RBM47: variants seen among roughly 807,000 people sequenced by gnomAD.
The protein encoded by RBM47 is RNA-binding protein 47.
In RBM47, 21 loss-of-function variants were observed where a neutral mutation model predicts 47.1. The ratio of observed to expected loss-of-function variants is 0.45; its 90% CI spans 0.32 to 0.64. The LOEUF is 0.64. Ranked by LOEUF, RBM47 falls within the 30% of genes least tolerant of loss-of-function variation. The pLI, the probability that RBM47 is intolerant of heterozygous loss-of-function variation, is 0.05. For missense variants in RBM47, 708 were observed against 870.9 expected (o/e 0.81, Z 2.35); for synonymous variants, 375 against 361.7 (o/e 1.04, Z -0.42).
At chr4:40,491,345 A>G (rs1333960105) in intron 2 of RBM47, among the ~76,000 whole-genome samples, 2 of 152,234 alleles carry the variant, frequency 1.3e-5, no homozygotes, top group African/African-American at 4.8e-5. Context: ...CAACCACCTC[A>G]TAAGAGCTAA....
intron 1 of RBM47, among the ~76,000 whole-genome samples, chr4:40,594,119 C>T (rs548103722): frequency 6.6e-6 from 1 of 152,054 alleles, no homozygotes; most frequent in East Asian, 1.9e-4. Context: ...TACCCCCACC[C>T]CCGCTTCCAC....
At chr4:40,600,985 C>CAAAAAAAAAAAAAAAAAAAAAAAA (rs56054491) in intron 1 of RBM47, among the ~76,000 whole-genome samples, 9 of 50,100 alleles carry the variant, frequency 1.8e-4, no homozygotes, top group Non-Finnish European at 3.1e-4. Flanking sequence ...AACTCCGTCT[C>CAAAAAAAAAAAAAAAAAAAAAAAA]AAAAAAAAAA....
intron 2 of RBM47, among the ~76,000 whole-genome samples, chr4:40,498,054 T>TTTTATATATATATATATATATA (rs1553890649): frequency 3.6e-5 from 4 of 109,868 alleles, no homozygotes; most frequent in Admixed American, 9.0e-5. Flanking sequence ...AGTGCTTGTT[T>TTTTATATATATATATATATATA]TATATATATA....
At chr4:40,544,174 A>T (rs1349765826) in intron 2 of RBM47, 1 of 152,250 alleles carries the variant, frequency 6.6e-6, no homozygotes, top group Non-Finnish European at 1.5e-5. Flanking sequence ...CACTGAAATC[A>T]TTCAAATACA....
chr4:40,561,210 G>T (rs1376030594), intron 1 of RBM47, among the ~76,000 whole-genome samples: 2 of 150,788 alleles, frequency 1.3e-5, no homozygotes, highest in Non-Finnish European at 2.9e-5. Flanking sequence ...GCCTTTCTGG[G>T]ACTATTTTTC....
chr4:40,616,786 A>T (rs1044920906), intron 1 of RBM47, among the ~76,000 whole-genome samples: 4 of 151,854 alleles, frequency 2.6e-5, no homozygotes, highest in African/African-American at 7.3e-5. Context: ...CCATTTTTAC[A>T]GTGTCAATAT....
chr4:40,451,361 G>T (rs1480520612), intron 3 of RBM47, among the ~76,000 whole-genome samples: 1 of 152,026 alleles, frequency 6.6e-6, no homozygotes, highest in Non-Finnish European at 1.5e-5. Context: ...GTTAAGAATG[G>T]TTCTGTTGTC....
intron 1 of RBM47, among the ~76,000 whole-genome samples, chr4:40,585,461 T>C (rs1455144499): frequency 6.6e-6 from 1 of 152,204 alleles, no homozygotes; most frequent in African/African-American, 2.4e-5. Flanking sequence ...TCCTAATTGT[T>C]TCAATAGGCT....
At chr4:40,519,256 A>G (rs1229396489) in intron 2 of RBM47, among the ~76,000 whole-genome samples, 1 of 150,816 alleles carries the variant, frequency 6.6e-6, no homozygotes, top group Non-Finnish European at 1.5e-5. Flanking sequence ...TTTTCTGCCA[A>G]CCTCTGACCA....
chr4:40,472,160 T>C (rs1380394554), intron 2 of RBM47, among the ~76,000 whole-genome samples: 1 of 152,186 alleles, frequency 6.6e-6, no homozygotes, highest in Non-Finnish European at 1.5e-5. Flanking sequence ...ATAACTAGAA[T>C]CCTAGAGTTC....
intron 3 of RBM47, among the ~76,000 whole-genome samples, chr4:40,448,830 C>G (rs1714954324): frequency 6.6e-6 from 1 of 152,032 alleles, no homozygotes; most frequent in Admixed American, 6.6e-5. Flanking sequence ...AGAGAGGAGT[C>G]TCTCACAAAA....
intron 1 of RBM47, among the ~76,000 whole-genome samples, chr4:40,576,257 G>GC (rs1560481012): frequency 2.9e-5 from 1 of 34,812 alleles, no homozygotes; most frequent in Non-Finnish European, 6.1e-5. Context: ...TTTTTTTTTT[G>GC]GGGGGGGGCG....
At chr4:40,571,045 G>A (rs757431254) in intron 1 of RBM47, among the ~76,000 whole-genome samples, 56 of 151,874 alleles carry the variant, frequency 3.7e-4, no homozygotes, top group Non-Finnish European at 5.7e-4. Context: ...GTGAAATCCC[G>A]TCTCTACTAA....
intron 2 of RBM47, among the ~76,000 whole-genome samples, chr4:40,486,835 A>G (rs1468676797): frequency 2.0e-5 from 3 of 152,238 alleles, no homozygotes; most frequent in Admixed American, 6.5e-5. Flanking sequence ...CATTTATGCA[A>G]CATTCATTCT....
intron 2 of RBM47, among the ~76,000 whole-genome samples, chr4:40,532,154 G>A (rs1183005815): frequency 6.6e-6 from 1 of 151,446 alleles, no homozygotes. Flanking sequence ...GGGACTACAA[G>A]TGGGAGCCAC....
intron 1 of RBM47, among the ~76,000 whole-genome samples, chr4:40,552,621 C>A (rs1461883011): frequency 1.3e-5 from 2 of 152,150 alleles, no homozygotes; most frequent in Non-Finnish European, 2.9e-5. Flanking sequence ...CGTCACTTCC[C>A]TTCTCAAAAC....
intron 3 of RBM47, among the ~76,000 whole-genome samples, chr4:40,459,633 A>G (rs577078040): frequency 1.3e-5 from 2 of 152,356 alleles, no homozygotes; most frequent in South Asian, 4.1e-4. Context: ...AGAACTGGGT[A>G]CAAATAGTCA....
chr4:40,529,859 A>C (rs1727196514), intron 2 of RBM47, among the ~76,000 whole-genome samples: 1 of 148,960 alleles, frequency 6.7e-6, no homozygotes, highest in Non-Finnish European at 1.5e-5. Flanking sequence ...TAAATAAATA[A>C]ATAAATAAAT....
chr4:40,621,440 T>C (rs1248577711), intron 1 of RBM47, among the ~76,000 whole-genome samples: 3 of 152,208 alleles, frequency 2.0e-5, no homozygotes, highest in Admixed American at 2.0e-4. Context: ...ACAAAGGTTC[T>C]GGGGAAAAAT....
Sources: gnomAD v4.1 joint callset for allele counts (sites outside exome capture counted in the v4.1 genomes callset) on GRCh38, gnomAD v4.1.1 for gene constraint, MANE v1.5 for transcripts, NCBI Gene and HGNC (gene_info 2026-07-23, HGNC 2026-07-21) for gene names.